LRP1B: variants seen among roughly 807,000 people sequenced by gnomAD.
LRP1B encodes low-density lipoprotein receptor-related protein 1B.
Under a neutral mutation model 556.6 loss-of-function variants are expected in LRP1B, and 217 were observed. The ratio of observed to expected loss-of-function variants is 0.39; its 90% CI spans 0.35 to 0.44. The LOEUF is 0.44. LRP1B is among the 20% of genes least tolerant of loss of function. The probability of loss-of-function intolerance (pLI) is 1.00; values close to 1 mark genes in which losing one functional copy is unlikely to be tolerated. For synonymous variants in LRP1B, 2,047 were observed against 1,865.8 expected, an observed-to-expected ratio of 1.10 and a Z score of -2.50; for missense variants, 5,053 against 5,620.8, an observed-to-expected ratio of 0.90 and a Z score of 3.23.
chr2:141,952,703 G>T (rs1701139591), intron 1 of LRP1B, among the ~76,000 whole-genome samples: 1 of 152,048 alleles, frequency 6.6e-6, no homozygotes, highest in African/African-American at 2.4e-5. Context: ...ACTCTTAAAA[G>T]GTACCACTAT....
intron 7 of LRP1B, among the ~76,000 whole-genome samples, chr2:141,085,771 A>T (rs1055027525): frequency 2.0e-5 from 3 of 152,214 alleles, no homozygotes; most frequent in African/African-American, 7.2e-5. Flanking sequence ...TATACAGTCT[A>T]TGCTCAAATT....
At chr2:141,891,028 T>A (rs1699273553) in intron 1 of LRP1B, among the ~76,000 whole-genome samples, 2 of 152,160 alleles carry the variant, frequency 1.3e-5, no homozygotes, top group Admixed American at 6.6e-5. Flanking sequence ...GACCTACTTT[T>A]TATTTGAGTA....
chr2:140,604,780 T>G (rs1432083067), intron 41 of LRP1B, among the ~76,000 whole-genome samples: 1 of 152,124 alleles, frequency 6.6e-6, no homozygotes, highest in African/African-American at 2.4e-5. Context: ...AGGGACCCAG[T>G]CGGGGGTAAT....
intron 1 of LRP1B, among the ~76,000 whole-genome samples, chr2:141,929,908 G>A (rs1178832877): frequency 5.3e-5 from 2 of 37,798 alleles, no homozygotes; most frequent in African/African-American, 1.2e-4. Flanking sequence ...ACCGCGGATG[G>A]AAACAAAAAA....
intron 3 of LRP1B, among the ~76,000 whole-genome samples, chr2:141,386,395 A>T (rs1422354579): frequency 2.0e-5 from 3 of 152,124 alleles, no homozygotes; most frequent in Non-Finnish European, 2.9e-5. Context: ...AATGGATGAA[A>T]CTCTCCAATT....
intron 3 of LRP1B, among the ~76,000 whole-genome samples, chr2:141,471,227 C>T (rs1682449177): frequency 6.7e-6 from 1 of 149,966 alleles, no homozygotes; most frequent in African/African-American, 2.5e-5. Flanking sequence ...AAAACAATTT[C>T]ATATAACACC....
chr2:142,085,030 A>G (rs1705862924), intron 1 of LRP1B, among the ~76,000 whole-genome samples: 1 of 152,102 alleles, frequency 6.6e-6, no homozygotes, highest in Non-Finnish European at 1.5e-5. Flanking sequence ...TCTGTTGTAA[A>G]ATGAGGCCCT....
chr2:140,346,617 A>G (rs886954001), intron 77 of LRP1B, among the ~76,000 whole-genome samples: 1 of 151,926 alleles, frequency 6.6e-6, no homozygotes, highest in Non-Finnish European at 1.5e-5. Flanking sequence ...CTGAAATAAG[A>G]CTTTTAAGTG....
At chr2:141,730,897 G>A (rs1237917284) in intron 2 of LRP1B, among the ~76,000 whole-genome samples, 1 of 152,106 alleles carries the variant, frequency 6.6e-6, no homozygotes, top group African/African-American at 2.4e-5. Flanking sequence ...TGTGTATAAA[G>A]ACTCCTTTTT....
rs923280799 is a variant in LRP1B at position 140,254,533 on chromosome 2, T to C, written c.13248-7371A>G. On this transcript the variant is annotated intron_variant, in intron 86 of 90. Coordinates refer to ENST00000389484, the MANE Select transcript of LRP1B (RefSeq NM_018557.3). ...CCAAGATTTCTTTTTTTGTTTTTTG[T>C]TTGTTTGTTTGTTTTGTTTGTTTGT... Among the ~76,000 whole-genome samples the C allele has an allele frequency of 9.9e-5, 15 of 151,674 alleles. No homozygotes were observed. The East Asian group carries it at 1.4e-3, about 14-fold the overall frequency.
At position 141,695,624 on chromosome 2, in the gene LRP1B, A is replaced by C. The variant is rs534478105; in HGVS notation, c.205+114655T>G. ...TTCATCCCAATGTTGCTATAAATAA[A>C]AGCAGCATAGCCTAAACAATGACTA... On this transcript the variant is annotated intron_variant, in intron 2 of 90. Coordinates refer to ENST00000389484, the MANE Select transcript of LRP1B (RefSeq NM_018557.3). 2.6e-5 allele frequency among the ~76,000 whole-genome samples: 4 copies of C among 152,114 alleles called. 1 individual carries two copies. The highest frequency in any genetic ancestry group is 9.6e-5 in the African/African-American group (4 of 41,548).
At chr2:141,963,326 T>G (rs1176204103) in intron 1 of LRP1B, among the ~76,000 whole-genome samples, 2 of 151,904 alleles carry the variant, frequency 1.3e-5, no homozygotes, top group Admixed American at 6.6e-5. Context: ...TAATATTGCC[T>G]GAGAATAATC....
intron 37 of LRP1B, 30 bp from the exon 38 acceptor site, chr2:140,702,583 T>A: frequency 2.5e-6 from 4 of 1,606,844 alleles, no homozygotes; most frequent in Non-Finnish European, 3.4e-6. Flanking sequence ...TTGTAGTGTT[T>A]ATGTACATTT....
intron 88 of LRP1B, among the ~76,000 whole-genome samples, chr2:140,238,925 A>C (rs1372602312): frequency 6.6e-6 from 1 of 150,916 alleles, no homozygotes; most frequent in Non-Finnish European, 1.5e-5. Flanking sequence ...GTAAGTGAGC[A>C]CACATGGCTC....
chr2:141,896,672 C>T (rs760094610), intron 1 of LRP1B, among the ~76,000 whole-genome samples: 11 of 152,006 alleles, frequency 7.2e-5, no homozygotes, highest in Non-Finnish European at 1.3e-4. Context: ...TAATTAGCTG[C>T]CCATATTTTA....
At chr2:140,385,798 G>T in intron 67 of LRP1B, 95 bp downstream of exon 67, 1 of 803,076 alleles carries the variant, frequency 1.2e-6, no homozygotes, top group Non-Finnish European at 2.2e-6. Context: ...CCATAAGACA[G>T]GTTCAAATTT....
chr2:140,910,028 A>G (rs1297859740), intron 21 of LRP1B, among the ~76,000 whole-genome samples: 2 of 151,206 alleles, frequency 1.3e-5, no homozygotes, highest in Non-Finnish European at 3.0e-5. Flanking sequence ...AAATAGTAAC[A>G]TCAATGCAAC....
At chr2:140,764,112 T>C (rs540900592) in intron 35 of LRP1B, among the ~76,000 whole-genome samples, 4 of 152,166 alleles carry the variant, frequency 2.6e-5, no homozygotes, top group Non-Finnish European at 5.9e-5. Flanking sequence ...GGTGACAAAG[T>C]CGTTACTAGA....
At chr2:141,033,879 T>G (rs1393994570) in intron 11 of LRP1B, among the ~76,000 whole-genome samples, 1 of 152,182 alleles carries the variant, frequency 6.6e-6, no homozygotes, top group Non-Finnish European at 1.5e-5. Context: ...TTTATATTTT[T>G]TGTGTTCTTG....
Sources: gnomAD v4.1 joint callset for allele counts (sites outside exome capture counted in the v4.1 genomes callset) on GRCh38, gnomAD v4.1.1 for gene constraint, MANE v1.5 for transcripts, NCBI Gene and HGNC (gene_info 2026-07-23, HGNC 2026-07-21) for gene names.